HSD17B2: variants seen among roughly 807,000 people sequenced by gnomAD.
The protein encoded by HSD17B2 is 17-beta-hydroxysteroid dehydrogenase type 2.
In HSD17B2, 32 loss-of-function variants were observed where a neutral mutation model predicts 26.9. That is an observed-to-expected ratio of 1.19 (90% CI 0.90 to 1.60). The LOEUF (loss-of-function observed/expected upper bound fraction) is 1.60. Ranked by LOEUF, HSD17B2 falls within the 40% of genes most tolerant of loss-of-function variation. HSD17B2 has a pLI of 0.00. For synonymous variants in HSD17B2, 246 were observed against 186.7 expected (o/e 1.32, Z -2.59); for missense variants, 613 against 468.6 (o/e 1.31, Z -2.85).
intron 1 of HSD17B2, among the ~76,000 whole-genome samples, chr16:82,036,247 C>T (rs931287531): frequency 6.6e-6 from 1 of 151,848 alleles, no homozygotes; most frequent in African/African-American, 2.4e-5. Context: ...TCTAATGTTT[C>T]TTAATTGGAC....
intron 3 of HSD17B2, among the ~76,000 whole-genome samples, chr16:82,084,912 T>TG (rs1904481943): frequency 1.3e-5 from 2 of 152,308 alleles, no homozygotes; most frequent in South Asian, 2.1e-4. Flanking sequence ...ATTTTTGCCA[T>TG]GGGGTCTCAC....
chr16:82,070,240 G>T (rs1357497757), intron 2 of HSD17B2, among the ~76,000 whole-genome samples: 1 of 152,060 alleles, frequency 6.6e-6, no homozygotes, highest in African/African-American at 2.4e-5. Flanking sequence ...CCAGCAACCT[G>T]CGGGTCACTG....
chr16:82,049,895 G>A (rs148567348), intron 1 of HSD17B2, among the ~76,000 whole-genome samples: 25 of 152,324 alleles, frequency 1.6e-4, no homozygotes, highest in African/African-American at 6.0e-4. Context: ...TCTCCACCTC[G>A]GGACAGCTTC....
chr16:82,075,976 T>C (rs1293655084), intron 3 of HSD17B2, among the ~76,000 whole-genome samples: 1 of 150,920 alleles, frequency 6.6e-6, no homozygotes, highest in African/African-American at 2.4e-5. Context: ...GTAAAAATCC[T>C]TAACAAAATA....
At chr16:82,085,280 C>T (rs1318433100) in intron 3 of HSD17B2, among the ~76,000 whole-genome samples, 4 of 152,088 alleles carry the variant, frequency 2.6e-5, no homozygotes, top group African/African-American at 9.7e-5. Context: ...GATTTTCTTC[C>T]CTGACACTCT....
In HSD17B2 at chr16:82,084,753, A is replaced by G. The variant is rs562780564; in HGVS notation, c.665-6149A>G. Among the ~76,000 whole-genome samples the G allele has an allele frequency of 5.9e-5, 9 of 152,246 alleles. No individual in the cohort carries two copies. The South Asian group carries it at 1.9e-3, about 32-fold the overall frequency. On this transcript the variant is annotated intron_variant, in intron 3 of 4. Transcript: ENST00000199936. ...GAAGAGTTGAAGATAAACCCCTCTAAAACAGGTCTCCCTCTGGTGCCCAGG... is the reference window on the plus strand; with the variant it reads ...GAAGAGTTGAAGATAAACCCCTCTAGAACAGGTCTCCCTCTGGTGCCCAGG...
intron 3 of HSD17B2, among the ~76,000 whole-genome samples, chr16:82,077,362 A>G (rs1904307960): frequency 6.6e-6 from 1 of 152,220 alleles, no homozygotes; most frequent in East Asian, 1.9e-4. Flanking sequence ...AAATAAATCT[A>G]CACATCTATG....
intron 1 of HSD17B2, among the ~76,000 whole-genome samples, chr16:82,039,585 G>GGGAT (rs1323627062): frequency 6.6e-6 from 1 of 152,132 alleles, no homozygotes. Flanking sequence ...GTCAAGCGAT[G>GGGAT]GGATCAAAAT....
Position 82,041,954 on chromosome 16 carries a change from T to A in HSD17B2, c.265+6265T>A, listed in dbSNP as rs190722869. Among the ~76,000 whole-genome samples the A allele has an allele frequency of 3.6e-3, 545 of 152,180 alleles. 4 individuals are homozygous for A. Among genetic ancestry groups the A allele is most frequent in the Admixed American group, 0.014 (220 of 15,280 alleles). ...TAAATTTGGCATGTTTTAAAAAAAA[T>A]TTATCATCTCCTCTTGTGATCCTTT... is the stretch of plus-strand genomic sequence containing the variant. On this transcript the variant is annotated intron_variant, in intron 1 of 4. Coordinates refer to ENST00000199936, the MANE Select transcript of HSD17B2 (RefSeq NM_002153.3).
rs749712006 is a variant in HSD17B2 at position 82,098,288 on chromosome 16, C to A, written c.1016C>A (p.Thr339Lys). 1.2e-6 allele frequency: 2 copies of A among 1,614,204 alleles called. No homozygotes were observed. Among genetic ancestry groups the A allele is most frequent in the East Asian group, 2.2e-5 (1 of 44,878 alleles). ...GCGAAGAGCCCTTTTGCCTATTACA[C>A]GCCAGGGAAAGGCGCTTACTTGTGG... is the stretch of plus-strand genomic sequence containing the variant. Reference protein sequence around the residue: ...ILAKSPFAYYTPGKGAYLWIC... With the variant: ...ILAKSPFAYYKPGKGAYLWIC... The change falls in exon 5 of 5, where the codon ACG becomes AAG. Residue 339 changes from threonine (T) to lysine (K), a missense_variant. Coordinates refer to ENST00000199936, the MANE Select transcript of HSD17B2 (RefSeq NM_002153.3).
intron 1 of HSD17B2, among the ~76,000 whole-genome samples, chr16:82,054,554 A>C (rs1400956631): frequency 6.6e-6 from 1 of 152,200 alleles, no homozygotes; most frequent in African/African-American, 2.4e-5. Context: ...CATGTTGCTC[A>C]GGCTGGCCTC....
At chr16:82,095,545 T>C (rs1170321146) in intron 4 of HSD17B2, 3 of 152,492 alleles carry the variant, frequency 2.0e-5, no homozygotes, top group Non-Finnish European at 4.4e-5. Flanking sequence ...TCAAAATTAA[T>C]GTGCCTTCGA....
chr16:82,072,531 G>A lies in HSD17B2; in HGVS notation c.664+1404G>A, dbSNP rs185354553. Among the ~76,000 whole-genome samples the A allele has an allele frequency of 2.6e-3, 402 of 152,218 alleles. 2 individuals carry two copies. Among genetic ancestry groups the A allele is most frequent in the Middle Eastern group, 3.4e-3 (1 of 294 alleles). On this transcript the variant is annotated intron_variant, in intron 3 of 4. Transcript: ENST00000199936. ...ATATTTACTGAAATAACAGAGTACT[G>A]CCTCCTCCTTGGCACACTGACAAGG... is the stretch of plus-strand genomic sequence containing the variant.
intron 3 of HSD17B2, among the ~76,000 whole-genome samples, chr16:82,088,504 G>A (rs936813670): frequency 5.9e-5 from 9 of 152,194 alleles, no homozygotes; most frequent in South Asian, 2.1e-4. Context: ...AATGCAGTCA[G>A]TGTTGGCTCC....
chr16:82,062,669 T>C (rs1035081207), intron 1 of HSD17B2, among the ~76,000 whole-genome samples: 2 of 152,220 alleles, frequency 1.3e-5, no homozygotes, highest in African/African-American at 2.4e-5. Flanking sequence ...CCCAGGGTGA[T>C]TGAGAGGATT....
chr16:82,070,192 C>T (rs1428836463), intron 2 of HSD17B2, among the ~76,000 whole-genome samples: 1 of 152,184 alleles, frequency 6.6e-6, no homozygotes, highest in Non-Finnish European at 1.5e-5. Context: ...CATCCCACAG[C>T]TCAGACACTG....
chr16:82,041,251 A>G (rs1228660308), intron 1 of HSD17B2, among the ~76,000 whole-genome samples: 8 of 152,196 alleles, frequency 5.3e-5, no homozygotes, highest in African/African-American at 1.7e-4. Flanking sequence ...AGTGTTAATG[A>G]GCGAATGCAC....
chr16:82,049,942 G>C (rs1567579715), intron 1 of HSD17B2, among the ~76,000 whole-genome samples: 1 of 152,234 alleles, frequency 6.6e-6, no homozygotes, highest in Non-Finnish European at 1.5e-5. Context: ...CTGTGTGTCA[G>C]AATCACCTTG....
At chr16:82,072,145 A>T (rs1914712081) in intron 3 of HSD17B2, among the ~76,000 whole-genome samples, 1 of 152,116 alleles carries the variant, frequency 6.6e-6, no homozygotes, top group African/African-American at 2.4e-5. Context: ...CTTTCTTAAA[A>T]CTAACTGCTA....
Sources: gnomAD v4.1 joint callset for allele counts (sites outside exome capture counted in the v4.1 genomes callset) on GRCh38, gnomAD v4.1.1 for gene constraint, MANE v1.5 for transcripts, NCBI Gene and HGNC (gene_info 2026-07-23, HGNC 2026-07-21) for gene names.